Variants in BDP1 observed in about 807,000 individuals in gnomAD.
The protein encoded by BDP1 is transcription factor TFIIIB component B'' homolog.
BDP1 carries 169 observed loss-of-function variants against 266.6 expected under a neutral mutation model. The observed-to-expected ratio is 0.63, with a 90% CI of 0.56 to 0.72. The LOEUF (loss-of-function observed/expected upper bound fraction) is 0.72. Ranked by LOEUF, BDP1 falls within the 30% of genes least tolerant of loss-of-function variation. The pLI, the probability that BDP1 is intolerant of heterozygous loss-of-function variation, is 0.00. For synonymous variants in BDP1, 1,090 were observed against 1,022.4 expected, an observed-to-expected ratio of 1.07 and a Z score of -1.26; for missense variants, 3,015 against 3,053.8, an observed-to-expected ratio of 0.99 and a Z score of 0.30.
At chr5:71,549,700 T>C (rs1320325881) in intron 34 of BDP1, 94 bp downstream of exon 34, 1 of 1,038,706 alleles carries the variant, frequency 9.6e-7, no homozygotes, top group Non-Finnish European at 1.3e-6. Context: ...ATGTTAGTTG[T>C]TATTGTTGTG....
intron 28 of BDP1, among the ~76,000 whole-genome samples, chr5:71,541,142 A>G (rs1766939532): frequency 1.4e-5 from 2 of 139,648 alleles, no homozygotes; most frequent in African/African-American, 5.3e-5. Flanking sequence ...CTGTCTTGAA[A>G]TCCATCTGAG....
In BDP1 at chr5:71,478,987, T is replaced by G. The variant is rs1030389691; in HGVS notation, c.1015-4855T>G. Among the ~76,000 whole-genome samples the G allele has an allele frequency of 3.9e-5, 6 of 152,316 alleles. No homozygotes were observed. In the South Asian group the frequency reaches 1.2e-3, roughly 32 times the overall value. On this transcript the variant is annotated intron_variant, in intron 7 of 38. Transcript: ENST00000358731. ...TGTTAAACCCATTTAGTGAATATTT[T>G]ATTTCTGATACTGTATTTCTTATTT...
chr5:71,492,366 C>T (rs1311884559), intron 11 of BDP1, among the ~76,000 whole-genome samples: 1 of 152,142 alleles, frequency 6.6e-6, no homozygotes, highest in Non-Finnish European at 1.5e-5. Context: ...CAACAATGTA[C>T]AGGGTTCCAG....
At chr5:71,546,572 C>T (rs1413059993) in intron 32 of BDP1, among the ~76,000 whole-genome samples, 5 of 118,684 alleles carry the variant, frequency 4.2e-5, no homozygotes, top group Non-Finnish European at 6.4e-5. Flanking sequence ...GGCCAAAGAT[C>T]GTGCCATTGT....
intron 12 of BDP1, among the ~76,000 whole-genome samples, chr5:71,496,859 A>G (rs112191874): frequency 0.021 from 3,222 of 152,294 alleles, 113 homozygotes; most frequent in African/African-American, 0.072. Context: ...CTGGGATTAT[A>G]GGCGTGAGCC....
chr5:71,568,103 C>T (rs924195489), downstream of BDP1, among the ~76,000 whole-genome samples: 4 of 152,104 alleles, frequency 2.6e-5, no homozygotes, highest in African/African-American at 7.2e-5. Context: ...TGTGATTGCC[C>T]CACCACACTC....
intron 32 of BDP1, among the ~76,000 whole-genome samples, chr5:71,548,284 A>G (rs2111895039): frequency 6.6e-6 from 1 of 152,272 alleles, no homozygotes; most frequent in African/African-American, 2.4e-5. Context: ...TGCATTTTAG[A>G]AAAACCATGT....
Position 71,501,595 on chromosome 5 carries a change from G to A in BDP1, c.1990G>A (p.Asp664Asn). Residue 664 changes from aspartate (D) to asparagine (N), a missense_variant, in exon 14 of 39, where the codon GAC becomes AAC. Coordinates refer to ENST00000358731, the MANE Select transcript of BDP1 (RefSeq NM_018429.3). ...GGAAAAAGATAAAATGAATACATTG[G>A]ACATTTTGAGAATGGAGACTACAGA... ...HVEKDKMNTL[D>N]ILRMETTERE... is the part of the protein sequence containing the mutation. 2.5e-6 allele frequency: 4 copies of A among 1,605,238 alleles called. No individual in the cohort carries two copies. Among genetic ancestry groups the A allele is most frequent in the Non-Finnish European group, 3.4e-6 (4 of 1,173,632 alleles).
chr5:71,474,514 T>C (rs1485296582), intron 7 of BDP1, among the ~76,000 whole-genome samples: 1 of 151,804 alleles, frequency 6.6e-6, no homozygotes, highest in Non-Finnish European at 1.5e-5. Context: ...TATTTTTTTG[T>C]ACAGATGAGT....
At chr5:71,477,356 C>T (rs1326033797) in intron 7 of BDP1, among the ~76,000 whole-genome samples, 2 of 151,834 alleles carry the variant, frequency 1.3e-5, no homozygotes, top group African/African-American at 2.4e-5. Context: ...ACTGTGTTGC[C>T]TAGGTTTGTC....
chr5:71,475,369 C>T (rs1407028342), intron 7 of BDP1, among the ~76,000 whole-genome samples: 1 of 152,218 alleles, frequency 6.6e-6, no homozygotes, highest in Non-Finnish European at 1.5e-5. Context: ...CTTGCCCTCC[C>T]AAAGTGTTGG....
chr5:71,546,624 A>G (rs1438321072), intron 32 of BDP1, among the ~76,000 whole-genome samples: 1 of 149,522 alleles, frequency 6.7e-6, no homozygotes, highest in Non-Finnish European at 1.5e-5. Context: ...TCTCAAAAAA[A>G]AAAAAAAAAA....
intron 32 of BDP1, among the ~76,000 whole-genome samples, chr5:71,547,867 G>A (rs971092305): frequency 1.3e-5 from 2 of 152,200 alleles, no homozygotes; most frequent in Middle Eastern, 3.4e-3. Flanking sequence ...AGAATTGCTC[G>A]GACCCAGGAG....
rs1423556094 is a variant in BDP1, at chr5:71,485,454, G to T, written c.1070-1030G>T. The stretch of plus-strand genomic sequence containing the variant: ...ATGTCTTTCAGAATCATTGTGGAGA[G>T]TCAGAACAAATGAAGTCTGGGTCAA... On this transcript the variant is annotated intron_variant, in intron 8 of 38. Coordinates refer to ENST00000358731, the MANE Select transcript of BDP1 (RefSeq NM_018429.3). 2.0e-5 allele frequency among the ~76,000 whole-genome samples: 3 copies of T among 152,198 alleles called. No individual in the cohort carries two copies. In the East Asian group the frequency reaches 5.8e-4, roughly 29 times the overall value.
chr5:71,465,683 C>T (rs1241497477), intron 4 of BDP1, among the ~76,000 whole-genome samples: 6 of 152,056 alleles, frequency 3.9e-5, no homozygotes, highest in African/African-American at 1.4e-4. Flanking sequence ...GAGTTTGAGA[C>T]CAGCCTGGCC....
At position 71,557,042 on chromosome 5, in the gene BDP1, C is replaced by T. The variant is rs371155997; in HGVS notation, c.7240+117C>T. 26 of 509,006 alleles carry T rather than the reference C, an allele frequency of 5.1e-5. 1 individual carries two copies. The highest frequency in any genetic ancestry group is 3.6e-4 in the African/African-American group (18 of 49,872). The allele number at this position is 509,006 out of a possible 1,614,324, so 31.5% of individuals were successfully genotyped here. A position where few individuals can be genotyped will look rare whatever the true frequency, so the allele number is the denominator to read the frequency against. The stretch of plus-strand genomic sequence containing the variant: ...GTATTCCTTTTCTCCAAGAGTAATA[C>T]TTGTATTATCAGCACTTCTTTCCTG... On this transcript the variant is annotated intron_variant, in intron 36 of 38. Transcript: ENST00000358731.
At chr5:71,470,715 A>G (rs548407426) in intron 7 of BDP1, among the ~76,000 whole-genome samples, 109 of 151,598 alleles carry the variant, frequency 7.2e-4, no homozygotes, top group African/African-American at 2.6e-3. Context: ...AGCATGTCAC[A>G]TAGCTGGTAT....
rs1354189328 is a variant in BDP1 at position 71,565,834 on chromosome 5, T to C, written c.*949T>C. The C allele has an allele frequency of 6.5e-6, 1 of 152,740 alleles. No individual in the cohort carries two copies. Among genetic ancestry groups the C allele is most frequent in the African/African-American group, 2.4e-5 (1 of 41,466 alleles). The allele number at this position is 152,740 out of a possible 1,614,324, so 9.5% of individuals were successfully genotyped here. On this transcript the variant is annotated 3_prime_UTR_variant, in exon 39 of 39. Coordinates refer to ENST00000358731, the MANE Select transcript of BDP1 (RefSeq NM_018429.3). ...GAAAAATACATATTTTTCTAATTCA[T>C]GGTGATGTAACATTAGTCCTAATTG...
In BDP1 at chr5:71,487,033, A is replaced by G. The variant is rs778186476; in HGVS notation, c.1213+406A>G. On this transcript the variant is annotated intron_variant, in intron 9 of 38. Transcript: ENST00000358731. ...AGACTGTATTGGTTGAGCGTAACTT[A>G]TTTCTGAAGGCTAATGTTGAGTTGT... Among the ~76,000 whole-genome samples, 3 of 152,282 alleles carry G rather than the reference A, an allele frequency of 2.0e-5. No homozygotes were observed. The South Asian group carries it at 6.2e-4, about 32-fold the overall frequency.
Sources: gnomAD v4.1 joint callset for allele counts (sites outside exome capture counted in the v4.1 genomes callset) on GRCh38, gnomAD v4.1.1 for gene constraint, MANE v1.5 for transcripts, NCBI Gene and HGNC (gene_info 2026-07-23, HGNC 2026-07-21) for gene names.